Variants in MPP4 observed in about 807,000 individuals in gnomAD.
The protein encoded by MPP4 is MAGUK p55 subfamily member 4.
Under a neutral mutation model 98.3 loss-of-function variants are expected in MPP4, and 91 were observed. That is an observed-to-expected ratio of 0.93 (90% CI 0.78 to 1.10). MPP4 has a LOEUF of 1.10. MPP4 is among the 50% of genes least tolerant of loss of function. MPP4 has a pLI of 0.00. For synonymous variants in MPP4, 261 were observed against 271.8 expected (o/e 0.96, Z 0.39); for missense variants, 744 against 792.9 (o/e 0.94, Z 0.74).
intron 3 of MPP4, among the ~76,000 whole-genome samples, chr2:201,691,035 T>A (rs1689004033): frequency 6.6e-6 from 1 of 152,202 alleles, no homozygotes; most frequent in African/African-American, 2.4e-5. Flanking sequence ...TCCAGATTAG[T>A]GATGATGCTG....
At position 201,675,202 on chromosome 2, in the gene MPP4, C is replaced by T; in HGVS notation, c.994+5G>A. 1 of 1,605,758 alleles carries T rather than the reference C, an allele frequency of 6.2e-7. No individual in the cohort carries two copies. The highest frequency in any genetic ancestry group is 8.5e-7 in the Non-Finnish European group (1 of 1,176,218). On this transcript the variant is annotated splice_donor_5th_base_variant and intron_variant, in intron 11 of 21. Coordinates refer to ENST00000409474, the MANE Select transcript of MPP4 (RefSeq NM_033066.3). ...AAGAACCTGTCGGGCAGTTGCAATA[C>T]TCACATAGGGTTGACTTGAGGCAGG...
At chr2:201,685,791 A>G (rs1331840599) in intron 6 of MPP4, 128 bp downstream of exon 6, 4 of 1,056,010 alleles carry the variant, frequency 3.8e-6, no homozygotes, top group Non-Finnish European at 5.3e-6. Flanking sequence ...TGCAGAGTTG[A>G]CAGCCGTTAT....
rs1452185407 is a variant in MPP4 at position 201,645,382 on chromosome 2, T to A, written c.1742A>T (p.Glu581Val). 2 of 1,613,866 alleles carry A rather than the reference T, an allele frequency of 1.2e-6. No individual in the cohort carries two copies. Among genetic ancestry groups the A allele is most frequent in the African/African-American group, 2.7e-5 (2 of 74,916 alleles). ...KFKDEDLQEMENLAQRMETQF... is the reference protein window; with the variant it reads ...KFKDEDLQEMVNLAQRMETQF... ...AGTTTCCATTCTTTGGGCTAAATTT[T>A]CCATCTCTTGTAGGTCTTCATCCTT... is the stretch of plus-strand genomic sequence containing the variant. Residue 581 changes from glutamate (E) to valine (V), a missense_variant, in exon 22 of 22, where the codon GAA becomes GTA. Coordinates refer to ENST00000409474, the MANE Select transcript of MPP4 (RefSeq NM_033066.3).
intron 13 of MPP4, chr2:201,664,413 T>G: frequency 2.6e-5 from 28 of 1,092,566 alleles, no homozygotes; most frequent in Non-Finnish European, 3.1e-5. Flanking sequence ...GAAAGTGGAA[T>G]GTCAGGGAAA....
chr2:201,653,428 C>T (rs1015854825), intron 18 of MPP4, among the ~76,000 whole-genome samples: 5 of 152,212 alleles, frequency 3.3e-5, no homozygotes, highest in African/African-American at 9.6e-5. Flanking sequence ...CACCCAGCAC[C>T]GCTCTCTCCA....
At chr2:201,679,186 C>T (rs1464113665) in intron 10 of MPP4, among the ~76,000 whole-genome samples, 1 of 152,108 alleles carries the variant, frequency 6.6e-6, no homozygotes, top group Non-Finnish European at 1.5e-5. Context: ...TTCCTCATCT[C>T]CCTCCTAAAC....
At chr2:201,672,030 C>T (rs964037026) in intron 11 of MPP4, among the ~76,000 whole-genome samples, 4 of 152,076 alleles carry the variant, frequency 2.6e-5, no homozygotes, top group Admixed American at 6.6e-5. Flanking sequence ...TGCAAAAGAA[C>T]GGAAATCATA....
intron 3 of MPP4, among the ~76,000 whole-genome samples, chr2:201,692,543 C>T (rs1390583337): frequency 7.7e-6 from 1 of 129,820 alleles, no homozygotes; most frequent in Admixed American, 7.6e-5. Context: ...GACTCTGTCT[C>T]AAAAAAAAAA....
chr2:201,650,920 A>G (rs1213106411), intron 18 of MPP4: 2 of 985,312 alleles, frequency 2.0e-6, no homozygotes, highest in East Asian at 2.3e-4. Context: ...TATAGAATAT[A>G]GGAGTTCATC....
At chr2:201,691,544 G>GTC (rs996945774) in intron 3 of MPP4, among the ~76,000 whole-genome samples, 3 of 152,238 alleles carry the variant, frequency 2.0e-5, no homozygotes, top group African/African-American at 7.2e-5. Context: ...TTGAGATGGA[G>GTC]TCTCTCTCTG....
At chr2:201,673,913 C>T (rs1688420282) in intron 11 of MPP4, among the ~76,000 whole-genome samples, 1 of 152,204 alleles carries the variant, frequency 6.6e-6, no homozygotes, top group Non-Finnish European at 1.5e-5. Flanking sequence ...CCTCCCTTAC[C>T]CCCTTTCCAG....
intron 11 of MPP4, among the ~76,000 whole-genome samples, chr2:201,674,854 G>T (rs1559012283): frequency 6.6e-6 from 1 of 151,976 alleles, no homozygotes; most frequent in Non-Finnish European, 1.5e-5. Flanking sequence ...ATCTTTTTAG[G>T]TTTTTTGCAT....
In MPP4 at chr2:201,687,335, C is replaced by A. The variant is rs868372492; in HGVS notation, c.316G>T (p.Glu106Ter). 6.3e-7 allele frequency: 1 copy of A among 1,585,412 alleles called. No homozygotes were observed. Among genetic ancestry groups the A allele is most frequent in the East Asian group, 2.3e-5 (1 of 44,050 alleles). Residue 106 changes from glutamate to a stop codon, truncating the protein, a stop_gained, in exon 5 of 22, where the codon GAG becomes TAG. Transcript: ENST00000409474. LOFTEE classifies it high-confidence loss of function. ...AGCATTTGTCTCAGCTCTTGGATCT[C>A]AGGGGAAGTAGGGGTTTCACGTAAT... is the stretch of plus-strand genomic sequence containing the variant. ...ELLRETPTSP[E>*]IQELRQMLQA...
At chr2:201,689,438 G>C (rs1260536367) in intron 4 of MPP4, among the ~76,000 whole-genome samples, 2 of 152,238 alleles carry the variant, frequency 1.3e-5, no homozygotes, top group African/African-American at 4.8e-5. Flanking sequence ...TGCTTTCAAA[G>C]AGGGTATTTT....
intron 15 of MPP4, among the ~76,000 whole-genome samples, chr2:201,659,116 G>A (rs1687945516): frequency 6.6e-6 from 1 of 152,030 alleles, no homozygotes; most frequent in Non-Finnish European, 1.5e-5. Flanking sequence ...GGCTGGTCTT[G>A]AACTCCTGAC....
intron 10 of MPP4, among the ~76,000 whole-genome samples, chr2:201,678,328 C>T (rs10190770): frequency 0.12 from 18,978 of 152,094 alleles, 1,568 homozygotes; most frequent in East Asian, 0.31. Context: ...CCCTTATCCC[C>T]TGTGCTTTAA....
chr2:201,693,727 T>G (rs1007355073), intron 2 of MPP4, 149 bp downstream of exon 2: 5 of 851,908 alleles, frequency 5.9e-6, no homozygotes, highest in African/African-American at 1.7e-5. Flanking sequence ...CTTAAAGTTA[T>G]CACTGGTAGG....
At chr2:201,647,856 TTTTG>T in intron 20 of MPP4, 31 bp from the exon 21 acceptor site, 1 of 1,556,082 alleles carries the variant, frequency 6.4e-7, no homozygotes, top group South Asian at 1.2e-5. Flanking sequence ...CACATTTATT[TTTTG>T]TTTGTTTTGT....
intron 14 of MPP4, among the ~76,000 whole-genome samples, chr2:201,660,825 A>C (rs1445596492): frequency 6.6e-6 from 1 of 152,016 alleles, no homozygotes; most frequent in Non-Finnish European, 1.5e-5. Flanking sequence ...TGGGTCTCAC[A>C]CACTTCCATC....
Sources: allele counts gnomAD v4.1 joint callset (sites outside exome capture counted in the v4.1 genomes callset), GRCh38; gene constraint gnomAD v4.1.1; transcripts MANE v1.5; gene names NCBI Gene and HGNC (gene_info 2026-07-23, HGNC 2026-07-21).